The following MYOM2 variants were observed in gnomAD, a reference collection of about 807,000 sequenced individuals.
MYOM2 encodes myomesin-2.
In MYOM2, 254 loss-of-function variants were observed where a neutral mutation model predicts 187.6. That is an observed-to-expected ratio of 1.35 (90% CI 1.22 to 1.50). The LOEUF is 1.50. Ranked by LOEUF, MYOM2 falls within the 40% of genes most tolerant of loss-of-function variation. The probability of loss-of-function intolerance (pLI) is 0.00; values close to 1 mark genes in which losing one functional copy is unlikely to be tolerated. For missense variants in MYOM2, 2,796 were observed against 1,924.0 expected, an observed-to-expected ratio of 1.45 and a Z score of -8.48; for synonymous variants, 981 against 753.8, an observed-to-expected ratio of 1.30 and a Z score of -4.94.
In MYOM2 at chr8:2,079,504, G is replaced by A. The variant is rs569593637; in HGVS notation, c.1463-56G>A. 2.9e-5 allele frequency: 45 copies of A among 1,567,054 alleles called. No homozygotes were observed. In the Middle Eastern group the frequency reaches 5.0e-4, roughly 17 times the overall value. The stretch of plus-strand genomic sequence containing the variant: ...GAGCTGGCACAGAATGAGGGAAAAC[G>A]GGCTTTTGGGGAAAACTTCGCATGT... On this transcript the variant is annotated intron_variant, in intron 12 of 36. Transcript: ENST00000262113.
Position 2,057,667 on chromosome 8 carries a change from G to T in MYOM2, c.447G>T (p.Arg149=), listed in dbSNP as rs1353756998. 1 of 1,614,012 alleles carries T rather than the reference G, an allele frequency of 6.2e-7. No homozygotes were observed. ...LAWERHTFEE[R]ISRAPEILVR... ...GGGAGAGACACACATTTGAAGAGCGGATAAGCAGGGCTCCTGAGATCCTGG... is the reference window on the plus strand; with the variant it reads ...GGGAGAGACACACATTTGAAGAGCGTATAAGCAGGGCTCCTGAGATCCTGG... Residue 149 remains arginine (R), a synonymous_variant, in exon 5 of 37, where the codon CGG becomes CGT. Coordinates refer to ENST00000262113, the MANE Select transcript of MYOM2 (RefSeq NM_003970.4).
intron 23 of MYOM2, among the ~76,000 whole-genome samples, chr8:2,108,550 G>A (rs2116809745): frequency 6.6e-6 from 1 of 152,108 alleles, no homozygotes; most frequent in South Asian, 2.1e-4. Flanking sequence ...CAATTCCTTT[G>A]TCCCCATGAC....
At chr8:2,074,422 C>T (rs1305151274) in intron 10 of MYOM2, among the ~76,000 whole-genome samples, 1 of 152,028 alleles carries the variant, frequency 6.6e-6, no homozygotes, top group Non-Finnish European at 1.5e-5. Flanking sequence ...TGTGACTGAG[C>T]AGAAGGGGCC....
At chr8:2,079,256 C>T (rs1819539063) in intron 12 of MYOM2, among the ~76,000 whole-genome samples, 1 of 152,062 alleles carries the variant, frequency 6.6e-6, no homozygotes, top group African/African-American at 2.4e-5. Flanking sequence ...ACTTAGAAGG[C>T]CATCCTATTC....
chr8:2,049,879 G>C (rs11136457), intron 1 of MYOM2, among the ~76,000 whole-genome samples: 2 of 151,846 alleles, frequency 1.3e-5, no homozygotes, highest in South Asian at 4.1e-4. Context: ...GATGGAACTC[G>C]CTCATCTCCT....
At chr8:2,084,204 G>A (rs768145787) in intron 13 of MYOM2, among the ~76,000 whole-genome samples, 18 of 152,128 alleles carry the variant, frequency 1.2e-4, no homozygotes, top group African/African-American at 3.4e-4. Flanking sequence ...GGTGTCCCCC[G>A]CCCCAGTTAC....
chr8:2,135,622 C>T (rs1328452302), intron 32 of MYOM2, among the ~76,000 whole-genome samples: 6 of 152,168 alleles, frequency 3.9e-5, no homozygotes, highest in Non-Finnish European at 7.3e-5. Context: ...TTCTATCCTC[C>T]ACTGTCTTAT....
Position 2,098,935 on chromosome 8 carries a change from G to C in MYOM2, c.2392G>C (p.Asp798His). Residue 798 changes from aspartate to histidine, a missense_variant, in exon 19 of 37, where the codon GAT becomes CAT. Physicochemically the swap from Asp to His is moderately conservative, Grantham distance 81 (BLOSUM62 -1). Coordinates refer to ENST00000262113, the MANE Select transcript of MYOM2 (RefSeq NM_003970.4). ...VNLAGIGEPSDPSEHFKCEAW... is the reference protein window; with the variant it reads ...VNLAGIGEPSHPSEHFKCEAW... ...CCTGGCCGGCATCGGGGAGCCCTCAGATCCCAGTGAGCACTTCAAGTGTGA... is the reference window on the plus strand; with the variant it reads ...CCTGGCCGGCATCGGGGAGCCCTCACATCCCAGTGAGCACTTCAAGTGTGA... 1.9e-6 allele frequency: 3 copies of C among 1,613,586 alleles called. No individual in the cohort carries two copies. Among genetic ancestry groups the C allele is most frequent in the Non-Finnish European group, 2.5e-6 (3 of 1,179,852 alleles).
intron 1 of MYOM2, among the ~76,000 whole-genome samples, chr8:2,046,393 G>A (rs535238631): frequency 1.3e-5 from 2 of 152,212 alleles, no homozygotes; most frequent in African/African-American, 2.4e-5. Context: ...AGTGGCCGGG[G>A]AGCTGGGCTG....
chr8:2,062,747 C>A (rs1003361101), intron 6 of MYOM2, among the ~76,000 whole-genome samples: 85 of 152,232 alleles, frequency 5.6e-4, no homozygotes, highest in African/African-American at 2.0e-3. Context: ...TGCTTTCTAC[C>A]CTGTGTGTGC....
At chr8:2,069,525 G>A in intron 8 of MYOM2, 28 bp downstream of exon 8, 2 of 1,613,594 alleles carry the variant, frequency 1.2e-6, no homozygotes, top group Non-Finnish European at 1.7e-6. Flanking sequence ...TCTTTTCTGT[G>A]TGGTGAAATG....
chr8:2,127,028 G>C (rs1399838254), intron 31 of MYOM2, among the ~76,000 whole-genome samples: 4 of 151,922 alleles, frequency 2.6e-5, no homozygotes, highest in African/African-American at 9.7e-5. Flanking sequence ...TGGGGGAGCT[G>C]CTTCTGGTCT....
intron 19 of MYOM2, 35 bp downstream of exon 19, chr8:2,099,018 C>A (rs116687643): frequency 7.0e-6 from 11 of 1,569,358 alleles, no homozygotes; most frequent in East Asian, 4.6e-5. Flanking sequence ...CGCGTTCCAG[C>A]GCACAGGCTG....
intron 3 of MYOM2, among the ~76,000 whole-genome samples, chr8:2,055,216 G>T (rs1434935711): frequency 6.6e-6 from 1 of 152,198 alleles, no homozygotes. Flanking sequence ...TTGGGATTCA[G>T]AGTTACAGGA....
chr8:2,083,433 CAT>C (rs1819701595), intron 13 of MYOM2, among the ~76,000 whole-genome samples: 1 of 82,380 alleles, frequency 1.2e-5, no homozygotes, highest in African/African-American at 4.9e-5. Context: ...AGCAGTATCT[CAT>C]GTGTGCTTAG....
chr8:2,075,537 G>A (rs1819387735), intron 10 of MYOM2, among the ~76,000 whole-genome samples: 1 of 152,190 alleles, frequency 6.6e-6, no homozygotes. Flanking sequence ...AGGGCAGCCA[G>A]GGCTGCTGAA....
chr8:2,094,991 A>G (rs1418674292), intron 17 of MYOM2, among the ~76,000 whole-genome samples: 1 of 152,196 alleles, frequency 6.6e-6, no homozygotes, highest in Non-Finnish European at 1.5e-5. Context: ...TGAAACACAA[A>G]TGCCACATGG....
chr8:2,059,783 C>T (rs1397113780), intron 6 of MYOM2, among the ~76,000 whole-genome samples: 1 of 142,428 alleles, frequency 7.0e-6, no homozygotes, highest in Non-Finnish European at 1.5e-5. Flanking sequence ...GCTCTTGTTG[C>T]CCAGGCTGGA....
intron 11 of MYOM2, among the ~76,000 whole-genome samples, 167 bp from the exon 12 acceptor site, chr8:2,078,567 T>C (rs1819512224): frequency 6.6e-6 from 1 of 152,146 alleles, no homozygotes; most frequent in Non-Finnish European, 1.5e-5. Context: ...AATAGCTCTG[T>C]CTTCTAATGT....
Sources: allele counts gnomAD v4.1 joint callset (sites outside exome capture counted in the v4.1 genomes callset), GRCh38; gene constraint gnomAD v4.1.1; transcripts MANE v1.5; gene names NCBI Gene and HGNC (gene_info 2026-07-23, HGNC 2026-07-21).